Variants in DNAH11 observed in about 807,000 individuals in gnomAD.
DNAH11 encodes the protein axonemal beta dynein heavy chain 11.
Under a neutral mutation model 526.0 loss-of-function variants are expected in DNAH11, and 442 were observed. The ratio of observed to expected loss-of-function variants is 0.84; its 90% confidence interval spans 0.78 to 0.91. The LOEUF (loss-of-function observed/expected upper bound fraction) is 0.91. DNAH11 is among the 40% of genes least tolerant of loss of function. DNAH11 has a pLI of 0.00. For missense variants in DNAH11, 6,989 were observed against 5,448.7 expected (o/e 1.28, Z -8.90); for synonymous variants, 2,461 against 1,935.9 (o/e 1.27, Z -7.12).
At position 21,894,897 on chromosome 7, in the gene DNAH11, T is replaced by C. The variant is rs1432252890; in HGVS notation, c.12947T>C (p.Leu4316Ser). Reference sequence around the variant, plus strand: ...TCTCCATGCAAGGGGGAATTGGCATTATCTCCTGCTGTGGAAGCCCAGCAG... The same window carrying C: ...TCTCCATGCAAGGGGGAATTGGCATCATCTCCTGCTGTGGAAGCCCAGCAG... ...LDLSLKGELA[L>S]SPAVEAQQFA... Residue 4316 changes from leucine (L) to serine (S), a missense_variant, in exon 79 of 82, where the codon TTA (leucine) becomes TCA (serine). Transcript: ENST00000409508. 1.9e-6 allele frequency: 3 copies of C among 1,613,912 alleles called. No homozygotes were observed. Among genetic ancestry groups the C allele is most frequent in the Non-Finnish European group, 2.5e-6 (3 of 1,179,908 alleles).
intron 28 of DNAH11, among the ~76,000 whole-genome samples, chr7:21,647,427 C>CT (rs71026810): frequency 0.083 from 10,041 of 121,224 alleles, 618 homozygotes; most frequent in African/African-American, 0.14. Flanking sequence ...TTCTTTCTTT[C>CT]TTTTTTTTTT....
At chr7:21,868,830 A>T (rs1323554318) in intron 72 of DNAH11, 34 bp from the exon 73 acceptor site, 2 of 1,613,172 alleles carry the variant, frequency 1.2e-6, no homozygotes, top group African/African-American at 1.3e-5. Context: ...TCCTTCATAG[A>T]CATTTCCTCT....
Position 21,601,431 on chromosome 7 carries a change from A to T in DNAH11, c.3461A>T (p.Asp1154Val). The T allele has an allele frequency of 6.2e-7, 1 of 1,613,430 alleles. No homozygotes were observed. The highest frequency in any genetic ancestry group is 1.3e-5 in the African/African-American group (1 of 75,044). ...CTACAAGAATTTATAAAGGAGACAGATTCCGGACTTCAGAGAGAATTAAAT... is the reference window on the plus strand; with the variant it reads ...CTACAAGAATTTATAAAGGAGACAGTTTCCGGACTTCAGAGAGAATTAAAT... Reference protein sequence around the residue: ...NELQEFIKETDSGLQRELNEG... With the variant: ...NELQEFIKETVSGLQRELNEG... Residue 1154 changes from aspartate (D) to valine (V), a missense_variant, in exon 18 of 82, where the codon GAT becomes GTT. Asp to Val is a radical substitution (Grantham distance 152, BLOSUM62 -3). Transcript: ENST00000409508.
intron 34 of DNAH11, among the ~76,000 whole-genome samples, chr7:21,688,848 T>C (rs1783495432): frequency 6.6e-6 from 1 of 152,226 alleles, no homozygotes; most frequent in Non-Finnish European, 1.5e-5. Flanking sequence ...TAGTATAGTA[T>C]GCAGCACAAT....
In DNAH11 at chr7:21,868,004, C is replaced by A; in HGVS notation, c.11836C>A (p.Leu3946Ile). Residue 3946 changes from leucine (L) to isoleucine (I), a missense_variant, in exon 72 of 82, where the codon CTT becomes ATT. Leu to Ile is a conservative substitution (Grantham distance 5). Transcript: ENST00000409508. ...AGATGCCCTTAAAGACCTGGAGATT[C>A]TTGGTGAGTGGCTGGGAGGCTCGCT... Reference protein sequence around the residue: ...GVDALKDLEILGKRLGFTIDS... With the variant: ...GVDALKDLEIIGKRLGFTIDS... 3 of 1,531,540 alleles carry A rather than the reference C, an allele frequency of 2.0e-6. No individual in the cohort carries two copies. The South Asian group carries it at 3.8e-5, about 19-fold the overall frequency. 94.9% of individuals were successfully genotyped at this position (1,531,540 alleles called of 1,614,324 possible).
intron 25 of DNAH11, among the ~76,000 whole-genome samples, chr7:21,625,852 G>A (rs191998060): frequency 6.6e-6 from 1 of 152,128 alleles, no homozygotes; most frequent in African/African-American, 2.4e-5. Flanking sequence ...CACTGTGATT[G>A]GAAAAATACT....
At chr7:21,852,112 A>C (rs1376854046) in intron 66 of DNAH11, among the ~76,000 whole-genome samples, 1 of 152,140 alleles carries the variant, frequency 6.6e-6, no homozygotes, top group Non-Finnish European at 1.5e-5. Flanking sequence ...CTGGTTTAAA[A>C]ACATTTACTT....
intron 76 of DNAH11, among the ~76,000 whole-genome samples, chr7:21,887,416 T>C (rs1405054558): frequency 6.6e-6 from 1 of 152,190 alleles, no homozygotes; most frequent in African/African-American, 2.4e-5. Context: ...CTTAAAGTTA[T>C]CATATAATAC....
chr7:21,792,437 T>A (rs977559299), intron 61 of DNAH11, among the ~76,000 whole-genome samples: 6 of 152,246 alleles, frequency 3.9e-5, no homozygotes, highest in African/African-American at 1.4e-4. Flanking sequence ...TGTGGAAGTA[T>A]TCCCTCTTCA....
chr7:21,619,849 T>C, intron 24 of DNAH11, 107 bp from the exon 25 acceptor site: 1 of 1,056,164 alleles, frequency 9.5e-7, no homozygotes, highest in African/African-American at 1.6e-5. Context: ...TAATACTTGA[T>C]ATCAGTTTGC....
rs749908281 is a variant in DNAH11 at position 21,588,212 on chromosome 7, G to A, written c.1848+11G>A. The A allele has an allele frequency of 6.2e-7, 1 of 1,607,692 alleles. No homozygotes were observed. Among genetic ancestry groups the A allele is most frequent in the Non-Finnish European group, 8.5e-7 (1 of 1,177,794 alleles). ...GAACACATGAAACAGGTAAGTGGTGGATAAGGTTGGACACATTTACAATAT... is the reference window on the plus strand; with the variant it reads ...GAACACATGAAACAGGTAAGTGGTGAATAAGGTTGGACACATTTACAATAT... On this transcript the variant is annotated intron_variant, in intron 10 of 81. Coordinates refer to ENST00000409508, the MANE Select transcript of DNAH11 (RefSeq NM_001277115.2).
At chr7:21,760,427 A>T (rs1786848714) in intron 54 of DNAH11, among the ~76,000 whole-genome samples, 1 of 152,120 alleles carries the variant, frequency 6.6e-6, no homozygotes, top group Admixed American at 6.5e-5. Context: ...CAATATTTCC[A>T]TGGAAGGATT....
chr7:21,815,116 A>G (rs1164294561), intron 63 of DNAH11, among the ~76,000 whole-genome samples: 1 of 152,036 alleles, frequency 6.6e-6, no homozygotes, highest in East Asian at 1.9e-4. Flanking sequence ...CTGGCTCTCT[A>G]CTCTGCACAG....
intron 45 of DNAH11, 128 bp from the exon 46 acceptor site, chr7:21,735,512 T>C: frequency 1.3e-6 from 1 of 793,830 alleles, no homozygotes; most frequent in South Asian, 1.8e-5. Flanking sequence ...TAATCTGAAC[T>C]ATGAATTATT....
chr7:21,893,591 A>C (rs1468774034), intron 77 of DNAH11, among the ~76,000 whole-genome samples: 1 of 152,260 alleles, frequency 6.6e-6, no homozygotes, highest in Non-Finnish European at 1.5e-5. Context: ...GGCTAAGGAC[A>C]GGCAAAGTTC....
Position 21,639,080 on chromosome 7 carries a change from G to T in DNAH11, c.4944+15G>T. 9 of 1,604,412 alleles carry T rather than the reference G, an allele frequency of 5.6e-6. No individual in the cohort carries two copies. Among genetic ancestry groups the T allele is most frequent in the South Asian group, 1.1e-5 (1 of 88,778 alleles). On this transcript the variant is annotated intron_variant, in intron 28 of 81. Transcript: ENST00000409508. ...AGCCTAAACAGGTAATATTTTTTTTGAAAGTCTCGTATTATACTGTGTTAG... is the reference window on the plus strand; with the variant it reads ...AGCCTAAACAGGTAATATTTTTTTTTAAAGTCTCGTATTATACTGTGTTAG...
At chr7:21,899,856 T>C in intron 80 of DNAH11, 124 bp from the exon 81 acceptor site, 1 of 1,205,588 alleles carries the variant, frequency 8.3e-7, no homozygotes, top group Non-Finnish European at 1.1e-6. Context: ...AGCGCAGCCA[T>C]GTGCCAATGC....
rs370864058 is a variant in DNAH11, at chr7:21,658,965, A to C, written c.5262A>C (p.Val1754=). 7.4e-6 allele frequency: 12 copies of C among 1,610,862 alleles called. No individual in the cohort carries two copies. Among genetic ancestry groups the C allele is most frequent in the Non-Finnish European group, 1.0e-5 (12 of 1,178,606 alleles). ...TSSQIWWTTD[V]GIAFSRLEEG... is the part of the protein sequence containing the mutation. ...CACAAATATGGTGGACCACAGATGT[A>C]GGAATAGCCTTCAGTAGACTGGAAG... Residue 1754 remains valine (V), a synonymous_variant, in exon 30 of 82, where the codon GTA becomes GTC. Transcript: ENST00000409508.
chr7:21,550,811 A>G (rs1446639522), intron 2 of DNAH11, among the ~76,000 whole-genome samples: 2 of 152,166 alleles, frequency 1.3e-5, no homozygotes, highest in Non-Finnish European at 2.9e-5. Flanking sequence ...TGGAAGGGGA[A>G]AGGCTTCCAC....
Sources: allele counts gnomAD v4.1 joint callset (sites outside exome capture counted in the v4.1 genomes callset), GRCh38; gene constraint gnomAD v4.1.1; transcripts MANE v1.5; gene names NCBI Gene and HGNC (gene_info 2026-07-23, HGNC 2026-07-21).